The following PCNX3 variants were observed in gnomAD, a reference collection of about 807,000 sequenced individuals.
PCNX3 encodes pecanex-like protein 3.
A neutral mutation model predicts 207.2 loss-of-function variants in PCNX3; 58 were observed. The ratio of observed to expected loss-of-function variants is 0.28; its 90% CI spans 0.23 to 0.35. The LOEUF is 0.35. PCNX3 is among the 10% of genes least tolerant of loss of function. The probability of loss-of-function intolerance (pLI) is 1.00; values close to 1 mark genes in which losing one functional copy is unlikely to be tolerated. For synonymous variants in PCNX3, 1,337 were observed against 1,183.5 expected (o/e 1.13, Z -2.66); for missense variants, 2,410 against 2,774.4 (o/e 0.87, Z 2.95).
At chr11:65,621,918 T>A (rs1018021588) in intron 10 of PCNX3, among the ~76,000 whole-genome samples, 1 of 152,160 alleles carries the variant, frequency 6.6e-6, no homozygotes, top group African/African-American at 2.4e-5. Context: ...AAAGGACAAG[T>A]GGACTTCCTT....
At chr11:65,628,359 C>T (rs1855487323) in intron 22 of PCNX3, among the ~76,000 whole-genome samples, 1 of 152,214 alleles carries the variant, frequency 6.6e-6, no homozygotes, top group Non-Finnish European at 1.5e-5. Flanking sequence ...AAGAAGCTCA[C>T]AGGGTACTTG....
chr11:65,621,189 C>A (rs1193399972), intron 10 of PCNX3, among the ~76,000 whole-genome samples: 1 of 152,196 alleles, frequency 6.6e-6, no homozygotes, highest in Non-Finnish European at 1.5e-5. Flanking sequence ...CTACGAATTC[C>A]TTTGGAGTAC....
intron 27 of PCNX3, among the ~76,000 whole-genome samples, chr11:65,633,271 C>A (rs1855687758): frequency 6.6e-6 from 1 of 152,268 alleles, no homozygotes; most frequent in Non-Finnish European, 1.5e-5. Context: ...TCTTCCAAAG[C>A]TCCTGTACTT....
At chr11:65,621,632 G>A (rs938319206) in intron 10 of PCNX3, among the ~76,000 whole-genome samples, 1 of 152,192 alleles carries the variant, frequency 6.6e-6, no homozygotes, top group Non-Finnish European at 1.5e-5. Flanking sequence ...CGTGGCCGGC[G>A]GCCGCCTCCA....
chr11:65,618,158 A>G lies in PCNX3; in HGVS notation c.796A>G (p.Thr266Ala). ...LTQPDRALVRTSSRREQRRGA... is the reference protein window; with the variant it reads ...LTQPDRALVRASSRREQRRGA... ...CCAGCCTGACCGGGCCCTGGTGAGG[A>G]CCAGCAGTCGACGGGAACAACGCAG... Residue 266 changes from threonine (T) to alanine (A), a missense_variant, in exon 6 of 35, where the codon ACC becomes GCC. Physicochemically the swap from Thr to Ala is moderately conservative, Grantham distance 58. Coordinates refer to ENST00000355703, the MANE Select transcript of PCNX3 (RefSeq NM_032223.4). 6.2e-7 allele frequency: 1 copy of G among 1,608,190 alleles called. No individual in the cohort carries two copies. The highest frequency in any genetic ancestry group is 1.1e-5 in the South Asian group (1 of 90,918).
In PCNX3 at chr11:65,636,513, C is replaced by T. The variant is rs994178686; in HGVS notation, c.5716C>T (p.Pro1906Ser). The T allele has an allele frequency of 4.4e-6, 7 of 1,583,604 alleles. No individual in the cohort carries two copies. The Admixed American group carries it at 5.7e-5, about 13-fold the overall frequency. The change falls in exon 34 of 35, where the codon CCC becomes TCC. Residue 1906 changes from proline to serine, a missense_variant. Coordinates refer to ENST00000355703, the MANE Select transcript of PCNX3 (RefSeq NM_032223.4). Reference sequence around the variant, plus strand: ...GCCTCCCCCTCGGCTCCCTGGACCACCCCCTGCATCGCCTATCCCCACAGA... The same window carrying T: ...GCCTCCCCCTCGGCTCCCTGGACCATCCCCTGCATCGCCTATCCCCACAGA... ...QWPPPRLPGP[P>S]PASPIPTEGP...
chr11:65,626,554 C>T (rs1855401330), intron 20 of PCNX3: 1 of 430,878 alleles, frequency 2.3e-6, no homozygotes, highest in South Asian at 2.1e-5. Context: ...CTACAACCAG[C>T]CTGAACCGAG....
Position 65,634,332 on chromosome 11 carries a change from G to A in PCNX3, c.4677G>A (p.Gln1559=), listed in dbSNP as rs143921682. 1.1e-4 allele frequency: 169 copies of A among 1,598,882 alleles called. No individual in the cohort carries two copies. In the African/African-American group the frequency reaches 1.8e-3, roughly 17 times the overall value. ...GTGCTGTGCACCTCGAGTGGATCCA[G>A]TACTGCGCCTCCCGGCGCAGCCAGG... is the stretch of plus-strand genomic sequence containing the variant. ...SFCAVHLEWI[Q]YCASRRSQPV... Residue 1559 remains glutamine (Q), a synonymous_variant, in exon 28 of 35, where the codon CAG becomes CAA. Coordinates refer to ENST00000355703, the MANE Select transcript of PCNX3 (RefSeq NM_032223.4).
At position 65,628,725 on chromosome 11, in the gene PCNX3, G is replaced by T. The variant is rs767302815; in HGVS notation, c.3811+22G>T. On this transcript the variant is annotated intron_variant, in intron 23 of 34. Coordinates refer to ENST00000355703, the MANE Select transcript of PCNX3 (RefSeq NM_032223.4). ...CCACGTATCCAGCCTGTGTTTGGGT[G>T]GGGGTGTGCAGGGAGGGCTGTGGCC... 6.2e-6 allele frequency: 10 copies of T among 1,611,052 alleles called. 1 individual carries two copies. The highest frequency in any genetic ancestry group is 4.0e-5 in the African/African-American group (3 of 74,838).
chr11:65,626,081 C>G (rs1185079605), intron 20 of PCNX3, 27 bp downstream of exon 20: 4 of 1,577,530 alleles, frequency 2.5e-6, no homozygotes, highest in Non-Finnish European at 3.4e-6. Flanking sequence ...GATGGCCAGG[C>G]CTGGGCAGTG....
In PCNX3 at chr11:65,625,594, C is replaced by G. The variant is rs1383889491; in HGVS notation, c.3136-58C>G. 1.3e-6 allele frequency: 2 copies of G among 1,594,182 alleles called. No homozygotes were observed. The highest frequency in any genetic ancestry group is 3.5e-5 in the Admixed American group (2 of 57,886). ...GGAGGGGCATGTCCAGCTTGGGCTG[C>G]TGGGCAGCTGAGTGTCTCTCCTGGC... On this transcript the variant is annotated intron_variant, in intron 18 of 34. Coordinates refer to ENST00000355703, the MANE Select transcript of PCNX3 (RefSeq NM_032223.4). This position sits in a 1 kb window ranked among gnomAD's most constrained non-coding sequence, Gnocchi z 5.6.
intron 10 of PCNX3, among the ~76,000 whole-genome samples, chr11:65,621,282 A>T (rs905809660): frequency 6.6e-6 from 1 of 152,216 alleles, no homozygotes; most frequent in Non-Finnish European, 1.5e-5. Context: ...GTGTTCTGTT[A>T]GCAAGCAGGG....
chr11:65,634,713 C>A, intron 29 of PCNX3, 72 bp downstream of exon 29: 5 of 1,413,326 alleles, frequency 3.5e-6, no homozygotes, highest in Non-Finnish European at 4.8e-6. Context: ...GCACTGTGGT[C>A]TCTGGCCACA....
chr11:65,618,689 A>G lies in PCNX3; in HGVS notation c.1327A>G (p.Ser443Gly), dbSNP rs746714302. Residue 443 changes from serine (S) to glycine (G), a missense_variant, in exon 6 of 35, where the codon AGT becomes GGT. Physicochemically the swap from Ser to Gly is moderately conservative, Grantham distance 56 (BLOSUM62 0). Transcript: ENST00000355703. ...CAGTCTCCGATCGCAGCGCCGCTAC[A>G]GTACTGACAGCTCCTCTTCTACTTC... ...ASSLRSQRRYSTDSSSSTSCY... is the reference protein window; with the variant it reads ...ASSLRSQRRYGTDSSSSTSCY... The G allele has an allele frequency of 1.9e-6, 3 of 1,613,242 alleles. No homozygotes were observed. Among genetic ancestry groups the G allele is most frequent in the Non-Finnish European group, 2.5e-6 (3 of 1,179,726 alleles).
At chr11:65,617,740 C>T in intron 5 of PCNX3, 34 bp downstream of exon 5, 2 of 1,546,542 alleles carry the variant, frequency 1.3e-6, no homozygotes, top group African/African-American at 1.4e-5. Flanking sequence ...GGCTTGTGGG[C>T]TAGACCAGCT....
chr11:65,619,510 T>TA (rs144100036), intron 6 of PCNX3, 27 bp from the exon 7 acceptor site: 75,438 of 1,608,146 alleles, frequency 0.047, 2,069 homozygotes, highest in Non-Finnish European at 0.055. Flanking sequence ...ATCTGTCACT[T>TA]ACACTTGGGG....
Position 65,617,180 on chromosome 11 carries a change from C to CA in PCNX3, c.342-67dup, listed in dbSNP as rs924926624. ...GTGACTTCTGAAAAAGAAGCAGTGACAAAGATGGGAGGAAGTAGCATACAC... is the reference window on the plus strand; with the variant it reads ...GTGACTTCTGAAAAAGAAGCAGTGACAAAAGATGGGAGGAAGTAGCATACAC... On this transcript the variant is annotated intron_variant, in intron 2 of 34. Transcript: ENST00000355703. 8 of 1,463,592 alleles carry CA rather than the reference C, an allele frequency of 5.5e-6. No individual in the cohort carries two copies. In the Admixed American group the frequency reaches 6.0e-5, roughly 11 times the overall value. The allele number at this position is 1,463,592 out of a possible 1,614,324, so 90.7% of individuals were successfully genotyped here.
At position 65,622,315 on chromosome 11, in the gene PCNX3, G is replaced by A. The variant is rs373157649; in HGVS notation, c.2306G>A (p.Arg769His). 1.6e-5 allele frequency: 25 copies of A among 1,596,506 alleles called. No homozygotes were observed. The highest frequency in any genetic ancestry group is 4.0e-5 in the African/African-American group (3 of 74,470). The change falls in exon 11 of 35, where the codon CGC becomes CAC. Residue 769 changes from arginine (R) to histidine (H), a missense_variant. Physicochemically the swap from Arg to His is conservative, Grantham distance 29 (BLOSUM62 0). Around this residue, in one of 8 missense-constraint regions of PCNX3, gnomAD observed 177 missense variants for 257.5 expected, o/e 0.69. Transcript: ENST00000355703. Reference sequence around the variant, plus strand: ...TACAAGTACTGGCTTCTCCCTGGCCGCTGGACCTCTGTGCGCTATGAGCGG... The same window carrying A: ...TACAAGTACTGGCTTCTCCCTGGCCACTGGACCTCTGTGCGCTATGAGCGG... ...HSYKYWLLPG[R>H]WTSVRYERLA... is the part of the protein sequence containing the mutation.
At chr11:65,619,273 G>A (rs938756385) in intron 6 of PCNX3, 3 of 358,076 alleles carry the variant, frequency 8.4e-6, no homozygotes, top group African/African-American at 4.4e-5. Flanking sequence ...TCCTTGATTA[G>A]CACCTGAGTC....
Sources: gnomAD v4.1 joint callset for allele counts (sites outside exome capture counted in the v4.1 genomes callset) on GRCh38, gnomAD v4.1.1 for gene constraint, gnomAD v4.1.1 regional missense constraint, Gnocchi (gnomAD v3.1) non-coding constraint, MANE v1.5 for transcripts, NCBI Gene and HGNC (gene_info 2026-07-23, HGNC 2026-07-21) for gene names.